The following TADA2A variants were observed in gnomAD, a reference collection of about 807,000 sequenced individuals.
TADA2A encodes transcriptional adaptor 2A.
In TADA2A, 38 loss-of-function variants were observed where a neutral mutation model predicts 67.4. The ratio of observed to expected loss-of-function variants is 0.56; its 90% CI spans 0.44 to 0.74. TADA2A has a LOEUF of 0.74. TADA2A is among the 30% of genes least tolerant of loss of function. The pLI is 0.00. For missense variants in TADA2A, 454 were observed against 547.0 expected (o/e 0.83, Z 1.70); for synonymous variants, 192 against 181.6 (o/e 1.06, Z -0.46).
At chr17:37,443,862 A>G (rs1291940855) in intron 7 of TADA2A, among the ~76,000 whole-genome samples, 1 of 152,188 alleles carries the variant, frequency 6.6e-6, no homozygotes, top group Non-Finnish European at 1.5e-5. Context: ...TAAAAACTAT[A>G]TGTTCCTTGC....
At chr17:37,473,638 A>G (rs1368745811) in intron 14 of TADA2A, among the ~76,000 whole-genome samples, 1 of 152,094 alleles carries the variant, frequency 6.6e-6, no homozygotes, top group Non-Finnish European at 1.5e-5. Flanking sequence ...CTGAATACCA[A>G]TCCCTAATAC....
At chr17:37,449,094 C>G (rs565899332) in intron 8 of TADA2A, among the ~76,000 whole-genome samples, 4 of 151,926 alleles carry the variant, frequency 2.6e-5, no homozygotes, top group African/African-American at 9.7e-5. Context: ...GATCTTGGCT[C>G]GCTGCAAGCT....
In TADA2A at chr17:37,470,506, G is replaced by A; in HGVS notation, c.1002G>A (p.Gln334=). The A allele has an allele frequency of 6.3e-7, 1 of 1,580,984 alleles. No homozygotes were observed. The highest frequency in any genetic ancestry group is 8.6e-7 in the Non-Finnish European group (1 of 1,167,342). The change falls in exon 13 of 16, where the codon CAG becomes CAA. Residue 334 remains glutamine (Q), a synonymous_variant. Transcript: ENST00000615182. ...LQYIQDSSAC[Q]QWLRRQADID... ...ATATCCAGGACAGTAGTGCTTGCCAGCAGTGGCTCCGCCGGCAAGCTGACA... is the reference window on the plus strand; with the variant it reads ...ATATCCAGGACAGTAGTGCTTGCCAACAGTGGCTCCGCCGGCAAGCTGACA...
chr17:37,429,045 CAAAAA>C (rs375811520), intron 4 of TADA2A, among the ~76,000 whole-genome samples: 2 of 109,612 alleles, frequency 1.8e-5, no homozygotes, highest in East Asian at 2.4e-4. Flanking sequence ...GACTCCGTCT[CAAAAA>C]AAAAAAAAAA....
At chr17:37,434,362 G>C (rs533274034) in intron 4 of TADA2A, among the ~76,000 whole-genome samples, 2 of 152,342 alleles carry the variant, frequency 1.3e-5, no homozygotes, top group South Asian at 4.1e-4. Context: ...ATGAGGCAGG[G>C]TGTATGTGGG....
Position 37,442,669 on chromosome 17 carries a change from T to A in TADA2A, c.531+17T>A. ...TTCATTGAGGTAGGATAAATGTGTT[T>A]TTAGCACAAAGTAGGAAAAATTCAT... On this transcript the variant is annotated intron_variant, in intron 7 of 15. Transcript: ENST00000615182. The A allele has an allele frequency of 6.2e-7, 1 of 1,611,744 alleles. No homozygotes were observed.
intron 4 of TADA2A, among the ~76,000 whole-genome samples, chr17:37,431,210 A>G (rs1490545353): frequency 2.0e-5 from 3 of 152,144 alleles, no homozygotes; most frequent in Admixed American, 6.6e-5. Context: ...TTGCTATGTA[A>G]CAGCTACCTC....
intron 4 of TADA2A, among the ~76,000 whole-genome samples, chr17:37,427,981 CA>C (rs929295484): frequency 3.8e-4 from 53 of 140,286 alleles, no homozygotes; most frequent in African/African-American, 6.5e-4. Flanking sequence ...GACTCCATCT[CA>C]AAAAAAAAAA....
intron 7 of TADA2A, among the ~76,000 whole-genome samples, chr17:37,442,943 G>A (rs573918196): frequency 6.6e-6 from 1 of 152,166 alleles, no homozygotes; most frequent in African/African-American, 2.4e-5. Context: ...ATGGAGGATC[G>A]CTTGAGTCCA....
chr17:37,463,099 A>G (rs1489393913), intron 10 of TADA2A, among the ~76,000 whole-genome samples: 2 of 152,008 alleles, frequency 1.3e-5, no homozygotes, highest in Non-Finnish European at 2.9e-5. Context: ...CAGCCTCCTT[A>G]TTACAGGCTC....
chr17:37,446,610 C>A lies in TADA2A; in HGVS notation c.604+1842C>A, dbSNP rs546059958. 2.8e-5 allele frequency among the ~76,000 whole-genome samples: 4 copies of A among 144,502 alleles called. No individual in the cohort carries two copies. In the East Asian group the frequency reaches 8.5e-4, roughly 31 times the overall value. The allele number at this position is 144,502 out of a possible 152,430, so 94.8% of individuals were successfully genotyped here. On this transcript the variant is annotated intron_variant, in intron 8 of 15. Coordinates refer to ENST00000615182, the MANE Select transcript of TADA2A (RefSeq NM_001166105.3). ...GAGACCCTGTCTCTAAAAAAAAAAA[C>A]CTTTAAAACAAATTTTTAAAATATT...
intron 15 of TADA2A, among the ~76,000 whole-genome samples, chr17:37,475,319 G>A (rs927477972): frequency 6.6e-6 from 1 of 151,538 alleles, no homozygotes; most frequent in Admixed American, 6.6e-5. Flanking sequence ...CTGGACTATA[G>A]GCGCTTGCCA....
At position 37,440,512 on chromosome 17, in the gene TADA2A, G is replaced by C. The variant is rs770126092; in HGVS notation, c.292G>C (p.Val98Leu). The change falls in exon 6 of 16, where the codon GTA (valine) becomes CTA (leucine). Residue 98 changes from valine (V) to leucine (L), a missense_variant. Val to Leu is a conservative substitution (Grantham distance 32, BLOSUM62 1). Around this residue, in one of 2 missense-constraint regions of TADA2A, gnomAD observed 403 missense variants for 455.5 expected, o/e 0.88. Transcript: ENST00000615182. ...MDCGFGNWQD[V>L]ANQMCTKTKE... Reference sequence around the variant, plus strand: ...TTTCCCACAATCCTCTAGGCAGGATGTAGCCAATCAAATGTGCACCAAGAC... The same window carrying C: ...TTTCCCACAATCCTCTAGGCAGGATCTAGCCAATCAAATGTGCACCAAGAC... 1.9e-6 allele frequency: 3 copies of C among 1,614,094 alleles called. No individual in the cohort carries two copies. In the Admixed American group the frequency reaches 5.0e-5, roughly 27 times the overall value.
chr17:37,473,407 G>A (rs376366503), intron 14 of TADA2A, among the ~76,000 whole-genome samples: 8 of 152,214 alleles, frequency 5.3e-5, no homozygotes, highest in African/African-American at 1.9e-4. Flanking sequence ...ATCTTTGATT[G>A]TAGCCTAGCC....
chr17:37,430,818 A>T (rs2052546149), intron 4 of TADA2A, among the ~76,000 whole-genome samples: 1 of 152,232 alleles, frequency 6.6e-6, no homozygotes, highest in Admixed American at 6.6e-5. Flanking sequence ...AACAATTAAT[A>T]TTCTAAAATA....
At chr17:37,444,259 CA>C (rs5820215) in intron 7 of TADA2A, among the ~76,000 whole-genome samples, 49 of 132,050 alleles carry the variant, frequency 3.7e-4, no homozygotes, top group Non-Finnish European at 3.8e-4. Flanking sequence ...ACCCTGTTTC[CA>C]AAAAAAAAAA....
chr17:37,448,298 C>G (rs775397305), intron 8 of TADA2A, among the ~76,000 whole-genome samples: 15 of 152,006 alleles, frequency 9.9e-5, no homozygotes, highest in Non-Finnish European at 1.6e-4. Flanking sequence ...TTGCATGGTT[C>G]ATTATAGAGA....
intron 8 of TADA2A, among the ~76,000 whole-genome samples, chr17:37,451,947 G>A (rs974036153): frequency 2.0e-5 from 3 of 152,070 alleles, no homozygotes; most frequent in Non-Finnish European, 4.4e-5. Context: ...CTGCGCTGTT[G>A]CACTCCAGCC....
intron 4 of TADA2A, among the ~76,000 whole-genome samples, chr17:37,430,972 A>G (rs1822689584): frequency 6.6e-6 from 1 of 152,294 alleles, no homozygotes; most frequent in East Asian, 1.9e-4. Context: ...ATAATACCTC[A>G]TGTGCTAGAT....
Sources: gnomAD v4.1 joint callset for allele counts (sites outside exome capture counted in the v4.1 genomes callset) on GRCh38, gnomAD v4.1.1 for gene constraint, gnomAD v4.1.1 regional missense constraint, MANE v1.5 for transcripts, NCBI Gene and HGNC (gene_info 2026-07-23, HGNC 2026-07-21) for gene names.